The following KCNH7 variants were observed in gnomAD, a reference collection of about 807,000 sequenced individuals.
KCNH7 encodes potassium voltage-gated channel subfamily H member 7, also known as voltage-gated inwardly rectifying potassium channel KCNH7.
Under a neutral mutation model 120.8 loss-of-function variants are expected in KCNH7, and 49 were observed. The observed-to-expected ratio is 0.41, with a 90% CI of 0.32 to 0.51. The LOEUF (loss-of-function observed/expected upper bound fraction) is 0.51. Ranked by LOEUF, KCNH7 falls within the 20% of genes least tolerant of loss-of-function variation. The pLI is 0.38. For synonymous variants in KCNH7, 547 were observed against 516.1 expected, an observed-to-expected ratio of 1.06 and a Z score of -0.81; for missense variants, 1,097 against 1,446.6, an observed-to-expected ratio of 0.76 and a Z score of 3.92.
intron 2 of KCNH7, among the ~76,000 whole-genome samples, chr2:162,722,414 T>G (rs1216835553): frequency 1.3e-5 from 2 of 152,026 alleles, no homozygotes; most frequent in African/African-American, 4.8e-5. Flanking sequence ...AAGAAGATAA[T>G]CAGAAAATAG....
intron 2 of KCNH7, among the ~76,000 whole-genome samples, chr2:162,733,064 T>C (rs1218366273): frequency 6.6e-6 from 1 of 152,190 alleles, no homozygotes; most frequent in Non-Finnish European, 1.5e-5. Flanking sequence ...TAAATTCTTA[T>C]ACTACACATG....
chr2:162,469,951 C>T (rs891956105), intron 6 of KCNH7, among the ~76,000 whole-genome samples: 19 of 152,334 alleles, frequency 1.2e-4, no homozygotes, highest in East Asian at 3.9e-4. Flanking sequence ...GCGAGTGATC[C>T]GCCAGCCTCG....
chr2:162,612,173 T>G (rs184935714), intron 2 of KCNH7, among the ~76,000 whole-genome samples: 1 of 152,108 alleles, frequency 6.6e-6, no homozygotes, highest in African/African-American at 2.4e-5. Flanking sequence ...GGAATCAATA[T>G]GAAAAATGCA....
intron 2 of KCNH7, among the ~76,000 whole-genome samples, chr2:162,572,805 C>T (rs1337200311): frequency 6.7e-6 from 1 of 149,386 alleles, no homozygotes; most frequent in Non-Finnish European, 1.5e-5. Context: ...GAACAAAAAA[C>T]CAAACACCGC....
At chr2:162,748,555 T>C (rs1688394611) in intron 2 of KCNH7, among the ~76,000 whole-genome samples, 1 of 152,170 alleles carries the variant, frequency 6.6e-6, no homozygotes, top group Admixed American at 6.5e-5. Context: ...ATTACCATTA[T>C]CTAAATGTAG....
At chr2:162,809,752 GA>G (rs1295419674) in intron 2 of KCNH7, among the ~76,000 whole-genome samples, 3 of 152,060 alleles carry the variant, frequency 2.0e-5, no homozygotes, top group Admixed American at 2.0e-4. Context: ...ATATAAGCAA[GA>G]GATAATTTTC....
At chr2:162,648,113 C>T (rs1048785307) in intron 2 of KCNH7, among the ~76,000 whole-genome samples, 2 of 152,162 alleles carry the variant, frequency 1.3e-5, no homozygotes, top group Non-Finnish European at 2.9e-5. Flanking sequence ...TCCATTCTCA[C>T]ACTGCTATAA....
chr2:162,777,714 G>A (rs1421555963), intron 2 of KCNH7, among the ~76,000 whole-genome samples: 3 of 152,064 alleles, frequency 2.0e-5, no homozygotes, highest in East Asian at 1.9e-4. Flanking sequence ...GCAAAGTGAA[G>A]CACTTACCAA....
chr2:162,765,718 A>G (rs955741400), intron 2 of KCNH7, among the ~76,000 whole-genome samples: 1 of 152,006 alleles, frequency 6.6e-6, no homozygotes, highest in Non-Finnish European at 1.5e-5. Context: ...AAATGAATGA[A>G]TTTTACTTCA....
intron 2 of KCNH7, among the ~76,000 whole-genome samples, chr2:162,620,428 C>T (rs1008353884): frequency 2.6e-5 from 4 of 151,864 alleles, no homozygotes; most frequent in African/African-American, 9.7e-5. Context: ...TTTCTTTAGA[C>T]CTTTATTTCT....
intron 7 of KCNH7, among the ~76,000 whole-genome samples, chr2:162,443,804 A>G (rs1688497935): frequency 6.6e-6 from 1 of 152,114 alleles, no homozygotes. Context: ...AATCCCACAT[A>G]TCTAGGTGAT....
At chr2:162,379,241 C>T (rs1188234832) in intron 14 of KCNH7, among the ~76,000 whole-genome samples, 1 of 152,154 alleles carries the variant, frequency 6.6e-6, no homozygotes, top group Non-Finnish European at 1.5e-5. Flanking sequence ...CATACCCACT[C>T]ATAGATTCTT....
chr2:162,719,975 A>G (rs1206796940), intron 2 of KCNH7, among the ~76,000 whole-genome samples: 3 of 152,060 alleles, frequency 2.0e-5, no homozygotes, highest in Non-Finnish European at 4.4e-5. Flanking sequence ...AAAGTCTCCA[A>G]TCTCAATCTG....
intron 3 of KCNH7, among the ~76,000 whole-genome samples, chr2:162,529,849 A>G (rs1407693890): frequency 6.6e-6 from 1 of 151,906 alleles, no homozygotes; most frequent in African/African-American, 2.4e-5. Context: ...AGAAGACTTC[A>G]GTGAGAAAGT....
intron 2 of KCNH7, among the ~76,000 whole-genome samples, chr2:162,595,225 G>C (rs929435298): frequency 1.3e-5 from 2 of 151,962 alleles, no homozygotes; most frequent in African/African-American, 4.8e-5. Context: ...TGCCAGAATG[G>C]AGTAAGTGCA....
intron 2 of KCNH7, among the ~76,000 whole-genome samples, chr2:162,618,190 A>G (rs1049542185): frequency 2.0e-5 from 3 of 152,094 alleles, no homozygotes; most frequent in Admixed American, 6.5e-5. Flanking sequence ...CTATAAGGTC[A>G]TGACATCATA....
chr2:162,515,859 T>C (rs1460621464), intron 4 of KCNH7, among the ~76,000 whole-genome samples: 1 of 151,844 alleles, frequency 6.6e-6, no homozygotes, highest in Non-Finnish European at 1.5e-5. Flanking sequence ...TTTTCTGAGC[T>C]ATTGATTTAT....
At chr2:162,522,226 T>C (rs1309460883) in intron 3 of KCNH7, among the ~76,000 whole-genome samples, 3 of 151,902 alleles carry the variant, frequency 2.0e-5, no homozygotes, top group Non-Finnish European at 4.4e-5. Context: ...TTAAAGCAGT[T>C]TACAAATCAA....
intron 6 of KCNH7, among the ~76,000 whole-genome samples, chr2:162,469,996 C>T (rs987106075): frequency 3.9e-5 from 6 of 152,356 alleles, no homozygotes; most frequent in Admixed American, 2.6e-4. Flanking sequence ...GACGGAGTCT[C>T]GTTCACTCAG....
Sources: allele counts gnomAD v4.1 joint callset (sites outside exome capture counted in the v4.1 genomes callset), GRCh38; gene constraint gnomAD v4.1.1; transcripts MANE v1.5; gene names NCBI Gene and HGNC (gene_info 2026-07-23, HGNC 2026-07-21).